Variants in PARD3B observed in about 807,000 individuals in gnomAD.
PARD3B encodes the protein partitioning defective 3 homolog B.
In PARD3B, 103 loss-of-function variants were observed where a neutral mutation model predicts 130.2. The observed-to-expected ratio is 0.79, with a 90% CI of 0.67 to 0.93. PARD3B has a LOEUF of 0.93. Ranked by LOEUF, PARD3B falls within the 40% of genes least tolerant of loss-of-function variation. The pLI is 0.00. For missense variants in PARD3B, 1,609 were observed against 1,499.2 expected, an observed-to-expected ratio of 1.07 and a Z score of -1.21; for synonymous variants, 583 against 553.2, an observed-to-expected ratio of 1.05 and a Z score of -0.76.
chr2:204,983,160 A>G (rs1251790522), intron 3 of PARD3B, among the ~76,000 whole-genome samples: 1 of 152,154 alleles, frequency 6.6e-6, no homozygotes, highest in Non-Finnish European at 1.5e-5. Context: ...CTGTTGGTAT[A>G]GCCAATGCAG....
intron 2 of PARD3B, among the ~76,000 whole-genome samples, chr2:204,913,719 G>GC (rs1281952678): frequency 6.6e-6 from 1 of 152,104 alleles, no homozygotes; most frequent in Non-Finnish European, 1.5e-5. Flanking sequence ...GTTTTGCAGT[G>GC]CCCCAATAGA....
At chr2:205,335,898 A>C (rs2043297165) in intron 18 of PARD3B, among the ~76,000 whole-genome samples, 1 of 152,230 alleles carries the variant, frequency 6.6e-6, no homozygotes, top group Non-Finnish European at 1.5e-5. Flanking sequence ...CACTATCACG[A>C]GAACAGCACG....
At chr2:204,763,003 G>A (rs533136238) in intron 2 of PARD3B, among the ~76,000 whole-genome samples, 37 of 152,082 alleles carry the variant, frequency 2.4e-4, no homozygotes, top group African/African-American at 8.4e-4. Flanking sequence ...CAGGTGATCC[G>A]CCCACCTCGG....
rs1203670398 is a variant in PARD3B at position 205,547,571 on chromosome 2, A to G, written c.3181-5753A>G. On this transcript the variant is annotated intron_variant, in intron 21 of 22. Coordinates refer to ENST00000406610, the MANE Select transcript of PARD3B (RefSeq NM_001302769.2). ...TACTGGGGGAGCTGTTGCTATTTCT[A>G]TGTAGGAAGTTTTAGACTGCAGAGC... Among the ~76,000 whole-genome samples, 8 of 152,148 alleles carry G rather than the reference A, an allele frequency of 5.3e-5. No individual in the cohort carries two copies. In the East Asian group the frequency reaches 5.8e-4, roughly 11 times the overall value.
intron 21 of PARD3B, among the ~76,000 whole-genome samples, chr2:205,538,644 G>A (rs183348516): frequency 8.6e-4 from 131 of 151,990 alleles, no homozygotes; most frequent in Admixed American, 1.2e-3. Context: ...TTTCTCTCTC[G>A]TCACTCTCTT....
intron 11 of PARD3B, among the ~76,000 whole-genome samples, chr2:205,164,409 C>T (rs1356997513): frequency 6.6e-6 from 1 of 152,092 alleles, no homozygotes; most frequent in Non-Finnish European, 1.5e-5. Context: ...GCAGTATAAT[C>T]GTGCCTGTGA....
intron 2 of PARD3B, among the ~76,000 whole-genome samples, chr2:204,837,477 G>A (rs1559185705): frequency 6.7e-6 from 1 of 149,858 alleles, no homozygotes; most frequent in East Asian, 2.0e-4. Flanking sequence ...CTGGAGTGCA[G>A]TGGTGCAATC....
intron 2 of PARD3B, among the ~76,000 whole-genome samples, chr2:204,776,443 T>C (rs771699976): frequency 6.6e-6 from 1 of 152,140 alleles, no homozygotes; most frequent in Non-Finnish European, 1.5e-5. Flanking sequence ...AAGCACAGAA[T>C]AGATTATTAG....
chr2:204,759,002 G>C (rs901695717), intron 2 of PARD3B, among the ~76,000 whole-genome samples: 8 of 151,988 alleles, frequency 5.3e-5, no homozygotes, highest in Non-Finnish European at 1.2e-4. Context: ...TTCTGTGTCT[G>C]TGTCACTTCA....
chr2:205,080,603 A>G (rs895609817), intron 4 of PARD3B, among the ~76,000 whole-genome samples: 5 of 152,032 alleles, frequency 3.3e-5, no homozygotes, highest in Non-Finnish European at 7.4e-5. Flanking sequence ...CCACTTTGGG[A>G]TTATTAATAA....
At chr2:205,012,868 T>C (rs190296049) in intron 3 of PARD3B, among the ~76,000 whole-genome samples, 1 of 152,354 alleles carries the variant, frequency 6.6e-6, no homozygotes, top group Admixed American at 6.5e-5. Context: ...TAATTTATTA[T>C]ACTGCGAGAT....
At chr2:205,179,492 A>G (rs1028068509) in intron 13 of PARD3B, among the ~76,000 whole-genome samples, 4 of 152,156 alleles carry the variant, frequency 2.6e-5, no homozygotes, top group Non-Finnish European at 5.9e-5. Flanking sequence ...TATCTTTTAT[A>G]CTGGATTTTC....
At chr2:205,480,754 AC>A (rs2049202273) in intron 20 of PARD3B, among the ~76,000 whole-genome samples, 1 of 152,194 alleles carries the variant, frequency 6.6e-6, no homozygotes, top group African/African-American at 2.4e-5. Flanking sequence ...TGGAAGGCAG[AC>A]ATGGAGAAGT....
rs529967123 is a variant in PARD3B at position 205,397,656 on chromosome 2, GA to G, written c.2631-3349del. Among the ~76,000 whole-genome samples, 2 of 151,616 alleles carry G rather than the reference GA, an allele frequency of 1.3e-5. No homozygotes were observed. The highest frequency in any genetic ancestry group is 2.9e-5 in the Non-Finnish European group (2 of 67,890). Reference sequence around the variant, plus strand: ...TATAGGAGAAATAATATGGGACATGGAAAAAAAAGAAAAGCCTGATACCTGT... The same window carrying G: ...TATAGGAGAAATAATATGGGACATGGAAAAAAAGAAAAGCCTGATACCTGT... On this transcript the variant is annotated intron_variant, in intron 18 of 22. Transcript: ENST00000406610. This position sits in a 1 kb window ranked among gnomAD's most constrained non-coding sequence, Gnocchi z 4.8.
intron 10 of PARD3B, among the ~76,000 whole-genome samples, chr2:205,154,780 G>A (rs1182421428): frequency 6.6e-6 from 1 of 152,170 alleles, no homozygotes; most frequent in East Asian, 1.9e-4. Context: ...ATCATTCTGA[G>A]CAAACTATCG....
intron 2 of PARD3B, among the ~76,000 whole-genome samples, chr2:204,774,017 T>C (rs2041505836): frequency 2.0e-5 from 3 of 152,040 alleles, no homozygotes; most frequent in Non-Finnish European, 4.4e-5. Flanking sequence ...TTCAGTGCTG[T>C]GCTTTCAACT....
chr2:205,434,023 G>A (rs1260481935), intron 19 of PARD3B, among the ~76,000 whole-genome samples: 1 of 152,112 alleles, frequency 6.6e-6, no homozygotes, highest in Non-Finnish European at 1.5e-5. Flanking sequence ...ATTCACCTGA[G>A]GTGAATCACT....
intron 19 of PARD3B, among the ~76,000 whole-genome samples, chr2:205,431,345 G>T (rs2047325203): frequency 6.6e-6 from 1 of 152,152 alleles, no homozygotes; most frequent in Non-Finnish European, 1.5e-5. Flanking sequence ...CCAAAGTGCT[G>T]GGATTACAGG....
chr2:205,570,921 G>A (rs1161712613), intron 22 of PARD3B, among the ~76,000 whole-genome samples: 1 of 152,044 alleles, frequency 6.6e-6, no homozygotes, highest in Non-Finnish European at 1.5e-5. Flanking sequence ...AATTATAGCA[G>A]CATAAAACCA....
Sources: allele counts gnomAD v4.1 joint callset (sites outside exome capture counted in the v4.1 genomes callset), GRCh38; gene constraint gnomAD v4.1.1; non-coding constraint Gnocchi (gnomAD v3.1); transcripts MANE v1.5; gene names NCBI Gene and HGNC (gene_info 2026-07-23, HGNC 2026-07-21).